Variants in TMEM178B observed in about 807,000 individuals in gnomAD.
TMEM178B encodes transmembrane protein 178B.
In TMEM178B, 5 loss-of-function variants were observed where a neutral mutation model predicts 31.0. The observed-to-expected ratio is 0.16, with a 90% CI of 0.08 to 0.34. The LOEUF is 0.34. Among genes scored for constraint, TMEM178B ranks in the 10% least tolerant of loss-of-function variants. The pLI, the probability that TMEM178B is intolerant of heterozygous loss-of-function variation, is 1.00. For synonymous variants in TMEM178B, 164 were observed against 164.0 expected (o/e 1.00, Z 0.00); for missense variants, 275 against 400.3 (o/e 0.69, Z 2.67).
intron 2 of TMEM178B, among the ~76,000 whole-genome samples, chr7:141,218,187 A>G (rs1370861096): frequency 1.3e-5 from 2 of 152,104 alleles, no homozygotes; most frequent in South Asian, 2.1e-4. Flanking sequence ...TCTCATCTAC[A>G]GCATTGGGGG....
At chr7:141,283,340 A>G (rs1397973424) in intron 2 of TMEM178B, among the ~76,000 whole-genome samples, 2 of 152,216 alleles carry the variant, frequency 1.3e-5, no homozygotes, top group Non-Finnish European at 2.9e-5. Context: ...GAGAGTGACC[A>G]GTGGGAATGA....
At chr7:141,145,580 C>T (rs1425608988) in intron 1 of TMEM178B, among the ~76,000 whole-genome samples, 9 of 152,234 alleles carry the variant, frequency 5.9e-5, no homozygotes, top group African/African-American at 2.2e-4. Flanking sequence ...AGCCAGGCAT[C>T]TTGCTGGAAA....
chr7:141,174,100 G>A (rs527503930), intron 1 of TMEM178B, among the ~76,000 whole-genome samples: 12 of 152,080 alleles, frequency 7.9e-5, no homozygotes, highest in African/African-American at 2.2e-4. Context: ...TAATGCTATC[G>A]CTCCCCTAGC....
chr7:141,473,244 T>C lies in TMEM178B; in HGVS notation c.*2458T>C, dbSNP rs1202662293. 6.6e-6 allele frequency: 1 copy of C among 152,178 alleles called. No homozygotes were observed. Among genetic ancestry groups the C allele is most frequent in the Non-Finnish European group, 1.5e-5 (1 of 68,028 alleles). The allele number at this position is 152,178 out of a possible 1,614,324, so 9.4% of individuals were successfully genotyped here. On this transcript the variant is annotated 3_prime_UTR_variant, in exon 4 of 4. Transcript: ENST00000565468. ...TTAAGGAAAAGTGAAGAAAAGTATC[T>C]CAGATTGAGAGGCCTTTTGTCTTCC...
chr7:141,469,914 GAGT>G (rs1260245040), intron 3 of TMEM178B, among the ~76,000 whole-genome samples: 1 of 152,226 alleles, frequency 6.6e-6, no homozygotes, highest in Non-Finnish European at 1.5e-5. Context: ...GAGAAGTCAT[GAGT>G]AGGATTCCCC....
rs143063370 is a variant in TMEM178B at position 141,417,532 on chromosome 7, C to T, written c.497-20076C>T. On this transcript the variant is annotated intron_variant, in intron 2 of 3. Coordinates refer to ENST00000565468, the MANE Select transcript of TMEM178B (RefSeq NM_001195278.2). ...AATGAATGGGCACTAAGTGAGGGGT[C>T]CCACCCACGGTGATGCTACATGATT... Among the ~76,000 whole-genome samples the T allele has an allele frequency of 8.0e-4, 122 of 152,300 alleles. 1 individual carries two copies. The highest frequency in any genetic ancestry group is 2.3e-3 in the Admixed American group (35 of 15,298).
chr7:141,268,144 G>T (rs756768488), intron 2 of TMEM178B, among the ~76,000 whole-genome samples: 1 of 152,100 alleles, frequency 6.6e-6, no homozygotes, highest in Admixed American at 6.5e-5. Flanking sequence ...AAATAAACTC[G>T]CACTAACTTG....
intron 2 of TMEM178B, among the ~76,000 whole-genome samples, chr7:141,216,628 G>A (rs1797157243): frequency 6.6e-6 from 1 of 152,056 alleles, no homozygotes; most frequent in African/African-American, 2.4e-5. Context: ...CTGGTGACCA[G>A]GTTCTCACTC....
At chr7:141,220,938 A>G (rs372949034) in intron 2 of TMEM178B, among the ~76,000 whole-genome samples, 1 of 152,192 alleles carries the variant, frequency 6.6e-6, no homozygotes. Flanking sequence ...ATTGGATGAT[A>G]TATTTCCAGG....
At chr7:141,341,075 A>G (rs1489828241) in intron 2 of TMEM178B, among the ~76,000 whole-genome samples, 1 of 152,194 alleles carries the variant, frequency 6.6e-6, no homozygotes, top group Non-Finnish European at 1.5e-5. Context: ...AAATCCACAC[A>G]CAAATATAGA....
intron 1 of TMEM178B, among the ~76,000 whole-genome samples, chr7:141,113,404 G>A (rs771881775): frequency 4.6e-5 from 7 of 152,132 alleles, no homozygotes; most frequent in Non-Finnish European, 8.8e-5. Context: ...AAAACCATTG[G>A]ACTTGAAAAC....
chr7:141,286,695 A>G (rs1798453712), intron 2 of TMEM178B, among the ~76,000 whole-genome samples: 1 of 152,224 alleles, frequency 6.6e-6, no homozygotes, highest in African/African-American at 2.4e-5. Flanking sequence ...GACAGACTGC[A>G]TAGAGGATGT....
chr7:141,324,757 C>T (rs1342545369), intron 2 of TMEM178B, among the ~76,000 whole-genome samples: 5 of 152,014 alleles, frequency 3.3e-5, no homozygotes, highest in African/African-American at 7.3e-5. Context: ...TGTGTGTGCA[C>T]GCACACATTT....
the TMEM178B span, among the ~76,000 whole-genome samples, chr7:141,501,909 A>C: frequency 6.6e-6 from 1 of 152,114 alleles, no homozygotes. Context: ...TTAGCAGAGG[A>C]AAACTAGGCT....
chr7:141,273,363 A>G (rs1798215848), intron 2 of TMEM178B, among the ~76,000 whole-genome samples: 1 of 152,224 alleles, frequency 6.6e-6, no homozygotes, highest in Non-Finnish European at 1.5e-5. Flanking sequence ...CAGAATGTCT[A>G]CATGTATCAA....
chr7:141,409,457 T>A (rs1293999382), intron 2 of TMEM178B, among the ~76,000 whole-genome samples: 2 of 152,242 alleles, frequency 1.3e-5, no homozygotes, highest in African/African-American at 2.4e-5. Context: ...TGTTTCCTCA[T>A]CTGTATAATG....
chr7:141,316,257 G>A (rs927756252), intron 2 of TMEM178B, among the ~76,000 whole-genome samples: 1 of 152,088 alleles, frequency 6.6e-6, no homozygotes, highest in African/African-American at 2.4e-5. Context: ...AAATTCAGAA[G>A]CTTGATTTAA....
chr7:141,085,771 T>C (rs1042390049), intron 1 of TMEM178B, among the ~76,000 whole-genome samples: 3 of 152,022 alleles, frequency 2.0e-5, no homozygotes, highest in Non-Finnish European at 2.9e-5. Context: ...AGAAGCTCCA[T>C]GCTCAGGCGA....
At chr7:141,148,862 A>G (rs1173428268) in intron 1 of TMEM178B, among the ~76,000 whole-genome samples, 3 of 152,214 alleles carry the variant, frequency 2.0e-5, no homozygotes, top group African/African-American at 7.2e-5. Context: ...CTGTGGCTGA[A>G]TGACAAGAAG....
Sources: allele counts gnomAD v4.1 joint callset (sites outside exome capture counted in the v4.1 genomes callset), GRCh38; gene constraint gnomAD v4.1.1; transcripts MANE v1.5; gene names NCBI Gene and HGNC (gene_info 2026-07-23, HGNC 2026-07-21).